DAP: variants seen among roughly 807,000 people sequenced by gnomAD.
DAP encodes the protein death-associated protein 1.
A neutral mutation model predicts 13.8 loss-of-function variants in DAP; 8 were observed. That is an observed-to-expected ratio of 0.58 (90% CI 0.34 to 1.05). The LOEUF is 1.05. DAP is among the 50% of genes least tolerant of loss of function. The pLI, the probability that DAP is intolerant of heterozygous loss-of-function variation, is 0.03. For synonymous variants in DAP, 47 were observed against 47.5 expected, an observed-to-expected ratio of 0.99 and a Z score of 0.04; for missense variants, 106 against 133.2, an observed-to-expected ratio of 0.80 and a Z score of 1.01.
intron 2 of DAP, among the ~76,000 whole-genome samples, chr5:10,747,244 G>A: frequency 6.6e-6 from 1 of 152,240 alleles, no homozygotes; most frequent in South Asian, 2.1e-4. Context: ...AGCTCCCGCA[G>A]AGGTGTGTTA....
chr5:10,683,057 G>C (rs1182510714), intron 3 of DAP: 1 of 226,792 alleles, frequency 4.4e-6, no homozygotes, highest in Admixed American at 5.9e-5. Flanking sequence ...GGTGTGGCCA[G>C]GGTGGGGTCC....
At position 10,719,597 on chromosome 5, in the gene DAP, C is replaced by T. The variant is rs145959094; in HGVS notation, c.152+28578G>A. Among the ~76,000 whole-genome samples, 484 of 152,324 alleles carry T rather than the reference C, an allele frequency of 3.2e-3. 2 individuals are homozygous for T. The highest frequency in any genetic ancestry group is 0.011 in the African/African-American group (445 of 41,566). On this transcript the variant is annotated intron_variant, in intron 2 of 3. Transcript: ENST00000230895. ...TGAAGTCACCATGTGACCTGAACTGCCTACCATGAACTGGGTGCTTTCTGA... is the reference window on the plus strand; with the variant it reads ...TGAAGTCACCATGTGACCTGAACTGTCTACCATGAACTGGGTGCTTTCTGA...
In DAP at chr5:10,723,927, G is replaced by A. The variant is rs138055880; in HGVS notation, c.152+24248C>T. On this transcript the variant is annotated intron_variant, in intron 2 of 3. Transcript: ENST00000230895. Reference sequence around the variant, plus strand: ...CTGTCTGCTATCCAAGTGTACTTGCGGGTGTCTATTTGGAAGATTATTGAA... The same window carrying A: ...CTGTCTGCTATCCAAGTGTACTTGCAGGTGTCTATTTGGAAGATTATTGAA... 5.3e-5 allele frequency among the ~76,000 whole-genome samples: 8 copies of A among 152,240 alleles called. No homozygotes were observed. In the East Asian group the frequency reaches 9.6e-4, roughly 18 times the overall value.
chr5:10,705,348 G>C (rs997632560), intron 2 of DAP, among the ~76,000 whole-genome samples: 1 of 152,228 alleles, frequency 6.6e-6, no homozygotes, highest in African/African-American at 2.4e-5. Flanking sequence ...AGGCTAAATA[G>C]GGGTCACAGT....
At chr5:10,699,698 C>G (rs1461131508) in intron 2 of DAP, among the ~76,000 whole-genome samples, 1 of 152,214 alleles carries the variant, frequency 6.6e-6, no homozygotes, top group East Asian at 1.9e-4. Context: ...ACCACAGAAT[C>G]TCTGTGAACT....
rs1229079458 is a variant in DAP, at chr5:10,707,343, G to A, written c.153-23772C>T. Among the ~76,000 whole-genome samples the A allele has an allele frequency of 6.6e-6, 1 of 152,148 alleles. No individual in the cohort carries two copies. Among genetic ancestry groups the A allele is most frequent in the Non-Finnish European group, 1.5e-5 (1 of 68,034 alleles). On this transcript the variant is annotated intron_variant, in intron 2 of 3. Coordinates refer to ENST00000230895, the MANE Select transcript of DAP (RefSeq NM_004394.3). The surrounding 1 kb of genome is among the most constrained non-coding windows in gnomAD (Gnocchi z 4.0). ...TTCGGGAATGGGAGAACTGCCCAAG[G>A]GTGCATTCTGCCTTTTCTCAACAGC...
At chr5:10,748,435 T>C (rs896565334) in intron 1 of DAP, among the ~76,000 whole-genome samples, 164 bp from the exon 2 acceptor site, 2 of 152,114 alleles carry the variant, frequency 1.3e-5, no homozygotes, top group Non-Finnish European at 2.9e-5. Context: ...TCGGGGTAAA[T>C]TCAAAATGAT....
chr5:10,688,201 C>A (rs1738205004), intron 2 of DAP, among the ~76,000 whole-genome samples: 3 of 152,010 alleles, frequency 2.0e-5, no homozygotes, highest in Admixed American at 6.6e-5. Context: ...CAGGCATGAG[C>A]CATCACACCT....
intron 2 of DAP, among the ~76,000 whole-genome samples, chr5:10,699,774 T>G (rs1314368317): frequency 6.6e-6 from 1 of 151,958 alleles, no homozygotes; most frequent in Non-Finnish European, 1.5e-5. Flanking sequence ...AATTCCAGAG[T>G]GTGCTGCACT....
intron 2 of DAP, among the ~76,000 whole-genome samples, chr5:10,706,459 C>G (rs188639151): frequency 6.6e-6 from 1 of 152,138 alleles, no homozygotes. Flanking sequence ...AGTGTGACAC[C>G]GAAGCCTGGG....
chr5:10,735,186 G>GA (rs1171392976), intron 2 of DAP, among the ~76,000 whole-genome samples: 1 of 151,814 alleles, frequency 6.6e-6, no homozygotes, highest in Admixed American at 6.6e-5. Flanking sequence ...AAAAATTCCT[G>GA]AAAAAATAAC....
chr5:10,686,823 A>G lies in DAP; in HGVS notation c.153-3252T>C, dbSNP rs150547191. On this transcript the variant is annotated intron_variant, in intron 2 of 3. Transcript: ENST00000230895. ...TAAGATCATTGATGAAAGTGGCCAC[A>G]CTAAACAACAGATTTTCAATGTTGA... Among the ~76,000 whole-genome samples the G allele has an allele frequency of 5.0e-3, 763 of 152,376 alleles. 6 individuals carry two copies. Among genetic ancestry groups the G allele is most frequent in the African/African-American group, 0.017 (720 of 41,586 alleles).
chr5:10,737,885 A>G (rs267958), intron 2 of DAP, among the ~76,000 whole-genome samples: 88,882 of 152,110 alleles, frequency 0.58, 27,137 homozygotes, highest in Non-Finnish European at 0.68. Context: ...TCCTAATCCA[A>G]TATGACCAGT....
intron 2 of DAP, among the ~76,000 whole-genome samples, chr5:10,712,047 G>C (rs1246305094): frequency 6.6e-6 from 1 of 152,036 alleles, no homozygotes; most frequent in Non-Finnish European, 1.5e-5. Context: ...TTGGGGACAG[G>C]GCCTTTAAAG....
intron 2 of DAP, among the ~76,000 whole-genome samples, chr5:10,700,111 C>T (rs1323259851): frequency 1.3e-5 from 2 of 152,210 alleles, no homozygotes; most frequent in African/African-American, 4.8e-5. Context: ...ATGTGACATA[C>T]TTCTAGGGAG....
chr5:10,737,238 C>T (rs575849098), intron 2 of DAP, among the ~76,000 whole-genome samples: 52 of 151,414 alleles, frequency 3.4e-4, no homozygotes, highest in Admixed American at 2.8e-3. Context: ...CCCAGCTACT[C>T]GGGAGGCTGA....
At chr5:10,733,623 CT>C (rs1325768834) in intron 2 of DAP, 1 of 152,120 alleles carries the variant, frequency 6.6e-6, no homozygotes, top group East Asian at 1.9e-4. Flanking sequence ...GACTACAGTC[CT>C]GCCTTAGGGG....
chr5:10,690,557 T>TTGTC (rs1215137240), intron 2 of DAP, among the ~76,000 whole-genome samples: 2 of 152,222 alleles, frequency 1.3e-5, no homozygotes, highest in African/African-American at 4.8e-5. Context: ...CATACAGTAC[T>TTGTC]TGTCTTTTTG....
At chr5:10,691,232 C>CT (rs1738299618) in intron 2 of DAP, among the ~76,000 whole-genome samples, 1 of 152,240 alleles carries the variant, frequency 6.6e-6, no homozygotes, top group Non-Finnish European at 1.5e-5. Context: ...TCCAAAATGT[C>CT]TAACAGCGAT....
Sources: allele counts gnomAD v4.1 joint callset (sites outside exome capture counted in the v4.1 genomes callset), GRCh38; gene constraint gnomAD v4.1.1; non-coding constraint Gnocchi (gnomAD v3.1); transcripts MANE v1.5; gene names NCBI Gene and HGNC (gene_info 2026-07-23, HGNC 2026-07-21).